The following TIAM2 variants were observed in gnomAD, a reference collection of about 807,000 sequenced individuals.
TIAM2 encodes the protein TIAM Rac1 associated GEF 2, also known as rho guanine nucleotide exchange factor TIAM2.
Under a neutral mutation model 152.9 loss-of-function variants are expected in TIAM2, and 80 were observed. That is an observed-to-expected ratio of 0.52 (90% CI 0.44 to 0.63). The LOEUF (loss-of-function observed/expected upper bound fraction) is 0.63. Among genes scored for constraint, TIAM2 ranks in the 30% least tolerant of loss-of-function variants. The pLI is 0.00. For missense variants in TIAM2, 1,965 were observed against 2,120.1 expected (o/e 0.93, Z 1.44); for synonymous variants, 804 against 838.0 (o/e 0.96, Z 0.70).
At chr6:155,250,791 C>A in intron 21 of TIAM2, 122 bp from the exon 22 acceptor site, 1 of 1,175,408 alleles carries the variant, frequency 8.5e-7, no homozygotes, top group Non-Finnish European at 1.2e-6. Context: ...TTACAGGTAT[C>A]ATAAAAATTA....
chr6:155,179,349 T>A (rs774655089), intron 11 of TIAM2, 29 bp from the exon 12 acceptor site: 1 of 1,608,324 alleles, frequency 6.2e-7, no homozygotes, highest in East Asian at 2.2e-5. Flanking sequence ...CATGAGATCC[T>A]CTGATTTTGT....
At chr6:155,183,981 ATTTATT>A (rs1481137384) in intron 14 of TIAM2, among the ~76,000 whole-genome samples, 2 of 151,954 alleles carry the variant, frequency 1.3e-5, no homozygotes, top group Non-Finnish European at 2.9e-5. Context: ...CTTTTTTAAA[ATTTATT>A]TTTATTTTTA....
intron 1 of TIAM2, among the ~76,000 whole-genome samples, chr6:155,072,305 C>T (rs1475685105): frequency 2.0e-5 from 3 of 152,118 alleles, no homozygotes; most frequent in African/African-American, 7.2e-5. Flanking sequence ...TGGAAATCCT[C>T]CAGTAGGAAA....
intron 5 of TIAM2, among the ~76,000 whole-genome samples, chr6:155,143,338 C>G (rs541225426): frequency 2.4e-4 from 36 of 152,282 alleles, no homozygotes; most frequent in Middle Eastern, 3.4e-3. Flanking sequence ...TAACTTCTAC[C>G]TGCAATACTT....
chr6:155,234,193 G>A (rs1782622047), intron 15 of TIAM2, among the ~76,000 whole-genome samples: 1 of 152,122 alleles, frequency 6.6e-6, no homozygotes, highest in Non-Finnish European at 1.5e-5. Flanking sequence ...ACCAATCTGA[G>A]GCCCCCATTT....
chr6:155,109,946 CTTTTTTTTTTT>C (rs72211101), intron 2 of TIAM2, among the ~76,000 whole-genome samples: 9 of 138,820 alleles, frequency 6.5e-5, no homozygotes, highest in South Asian at 2.3e-4. Context: ...AATGCACAGA[CTTTTTTTTTTT>C]TTTTTTTTTT....
At chr6:155,169,664 T>G (rs1386179421) in intron 9 of TIAM2, among the ~76,000 whole-genome samples, 1 of 152,194 alleles carries the variant, frequency 6.6e-6, no homozygotes, top group South Asian at 2.1e-4. Context: ...TGTCTCCTCA[T>G]CCCTAGAATT....
intron 15 of TIAM2, among the ~76,000 whole-genome samples, chr6:155,228,527 GC>G (rs1782325437): frequency 6.6e-6 from 1 of 152,136 alleles, no homozygotes; most frequent in African/African-American, 2.4e-5. Flanking sequence ...CAGAAGCAAA[GC>G]CATATCTTTC....
chr6:155,029,747 T>G (rs1052404013), intron 1 of TIAM2, among the ~76,000 whole-genome samples: 15 of 144,658 alleles, frequency 1.0e-4, no homozygotes, highest in Non-Finnish European at 2.1e-4. Context: ...TATAACTATA[T>G]ATATATATAT....
At chr6:155,164,275 T>C in intron 7 of TIAM2, 140 bp from the exon 8 acceptor site, 1 of 683,388 alleles carries the variant, frequency 1.5e-6, no homozygotes, top group African/African-American at 1.8e-5. Context: ...TGAGATGGGG[T>C]GAGCAGGAAA....
chr6:155,064,229 A>G (rs188485233), intron 1 of TIAM2, among the ~76,000 whole-genome samples: 43 of 152,312 alleles, frequency 2.8e-4, no homozygotes, highest in Admixed American at 2.4e-3. Context: ...CAGATTTCCT[A>G]TGCCAGTGTA....
chr6:155,234,197 C>CGGG (rs1782622937), intron 15 of TIAM2, among the ~76,000 whole-genome samples: 1 of 152,124 alleles, frequency 6.6e-6, no homozygotes, highest in African/African-American at 2.4e-5. Flanking sequence ...ATCTGAGGCC[C>CGGG]CCATTTCAAG....
chr6:155,028,395 C>CAT (rs374454991), intron 1 of TIAM2, among the ~76,000 whole-genome samples: 13,900 of 69,640 alleles, frequency 0.2, 3,170 homozygotes, highest in African/African-American at 0.38. Flanking sequence ...ATATATACTA[C>CAT]ATATATATAC....
At chr6:155,090,024 T>G (rs1322284390) in intron 1 of TIAM2, among the ~76,000 whole-genome samples, 2 of 152,198 alleles carry the variant, frequency 1.3e-5, no homozygotes, top group African/African-American at 4.8e-5. Flanking sequence ...CCTCCCTCCA[T>G]CCATTCTATC....
chr6:155,001,497 A>G (rs1354505772), intron 1 of TIAM2, among the ~76,000 whole-genome samples: 1 of 152,152 alleles, frequency 6.6e-6, no homozygotes, highest in Non-Finnish European at 1.5e-5. Context: ...ATGCCCACGG[A>G]TGGTTACCGC....
chr6:155,249,809 CAAAT>C, intron 20 of TIAM2, 38 bp from the exon 21 acceptor site: 1 of 1,534,332 alleles, frequency 6.5e-7, no homozygotes, highest in Non-Finnish European at 8.9e-7. Flanking sequence ...GAATCTAAAA[CAAAT>C]AACAGTTATG....
chr6:155,159,576 A>G (rs1780211057), intron 7 of TIAM2, among the ~76,000 whole-genome samples: 1 of 152,300 alleles, frequency 6.6e-6, no homozygotes, highest in Middle Eastern at 3.4e-3. Flanking sequence ...AGTCCCTTGC[A>G]ATTTCATTGT....
Position 155,257,270 on chromosome 6 carries a change from T to C in TIAM2, c.*149T>C. 5 of 880,594 alleles carry C rather than the reference T, an allele frequency of 5.7e-6. No homozygotes were observed. Among genetic ancestry groups the C allele is most frequent in the Non-Finnish European group, 5.0e-6 (3 of 595,566 alleles). The allele number at this position is 880,594 out of a possible 1,614,324, so 54.5% of individuals were successfully genotyped here. A position where few individuals can be genotyped will look rare whatever the true frequency, so the allele number is the denominator to read the frequency against. ...TTCCCACAAAATGGTTGTAAAGATT[T>C]AAGTTATTTTAATTTATTGTGGATC... On this transcript the variant is annotated 3_prime_UTR_variant, in exon 27 of 27. Transcript: ENST00000682666.
intron 2 of TIAM2, among the ~76,000 whole-genome samples, chr6:155,100,667 A>C (rs1778532510): frequency 6.6e-6 from 1 of 152,242 alleles, no homozygotes. Context: ...CAATTTAAAC[A>C]AAATCCCTGC....
Sources: gnomAD v4.1 joint callset for allele counts (sites outside exome capture counted in the v4.1 genomes callset) on GRCh38, gnomAD v4.1.1 for gene constraint, MANE v1.5 for transcripts, NCBI Gene and HGNC (gene_info 2026-07-23, HGNC 2026-07-21) for gene names.